MAGI2: variants seen among roughly 807,000 people sequenced by gnomAD.
MAGI2 encodes the protein membrane associated guanylate kinase, WW and PDZ domain containing 2.
MAGI2 carries 35 observed loss-of-function variants against 133.3 expected under a neutral mutation model. That is an observed-to-expected ratio of 0.26 (90% confidence interval 0.20 to 0.35). The LOEUF is 0.35. Ranked by LOEUF, MAGI2 falls within the 10% of genes least tolerant of loss-of-function variation. The probability of loss-of-function intolerance (pLI) is 1.00; values close to 1 mark genes in which losing one functional copy is unlikely to be tolerated. For missense variants in MAGI2, 1,636 were observed against 1,863.4 expected, an observed-to-expected ratio of 0.88 and a Z score of 2.25; for synonymous variants, 729 against 710.6, an observed-to-expected ratio of 1.03 and a Z score of -0.41.
intron 10 of MAGI2, among the ~76,000 whole-genome samples, chr7:78,243,190 A>G (rs1791340188): frequency 1.3e-5 from 2 of 151,786 alleles, no homozygotes; most frequent in South Asian, 4.2e-4. Flanking sequence ...GTAAAGGAAC[A>G]TGATATATGC....
intron 2 of MAGI2, among the ~76,000 whole-genome samples, chr7:78,982,223 TA>T (rs900311718): frequency 3.3e-5 from 5 of 152,062 alleles, no homozygotes; most frequent in Admixed American, 2.0e-4. Flanking sequence ...ATATTACTGT[TA>T]AAAATTATAT....
At chr7:78,079,959 T>A (rs1357983711) in intron 20 of MAGI2, among the ~76,000 whole-genome samples, 2 of 152,222 alleles carry the variant, frequency 1.3e-5, no homozygotes, top group Non-Finnish European at 2.9e-5. Flanking sequence ...TAAGACAAAT[T>A]AACCAGCAAA....
At chr7:79,363,742 A>G (rs986145371) in intron 1 of MAGI2, among the ~76,000 whole-genome samples, 2 of 151,494 alleles carry the variant, frequency 1.3e-5, no homozygotes, top group African/African-American at 4.8e-5. Flanking sequence ...GCTTCTGCAT[A>G]GCTCAGGAAA....
chr7:79,221,430 T>C (rs372078540), intron 1 of MAGI2, among the ~76,000 whole-genome samples: 1 of 152,042 alleles, frequency 6.6e-6, no homozygotes, highest in East Asian at 1.9e-4. Context: ...AGAGACAGGG[T>C]GCGGTTTATG....
At chr7:78,066,491 G>C (rs1813840960) in intron 21 of MAGI2, among the ~76,000 whole-genome samples, 1 of 151,454 alleles carries the variant, frequency 6.6e-6, no homozygotes, top group Non-Finnish European at 1.5e-5. Flanking sequence ...TAGTTGACTT[G>C]CTGGATATAA....
At chr7:79,244,446 G>T (rs1160440422) in intron 1 of MAGI2, among the ~76,000 whole-genome samples, 3 of 152,164 alleles carry the variant, frequency 2.0e-5, no homozygotes, top group African/African-American at 7.2e-5. Flanking sequence ...CTGTGCAACT[G>T]GGGGAGGGAG....
At chr7:78,496,752 T>C (rs1481794587) in intron 5 of MAGI2, among the ~76,000 whole-genome samples, 1 of 152,132 alleles carries the variant, frequency 6.6e-6, no homozygotes, top group Non-Finnish European at 1.5e-5. Flanking sequence ...AGGGTGGTGA[T>C]GATGTGAAGT....
intron 7 of MAGI2, among the ~76,000 whole-genome samples, chr7:78,355,256 T>C (rs1791949647): frequency 6.6e-6 from 1 of 152,226 alleles, no homozygotes; most frequent in Admixed American, 6.5e-5. Flanking sequence ...TCTGAAGCTC[T>C]TAATAAAGAA....
At chr7:78,659,261 T>A (rs1397527049) in intron 2 of MAGI2, among the ~76,000 whole-genome samples, 1 of 151,184 alleles carries the variant, frequency 6.6e-6, no homozygotes, top group Non-Finnish European at 1.5e-5. Flanking sequence ...CCATCCTGGT[T>A]AACATGATGA....
intron 1 of MAGI2, among the ~76,000 whole-genome samples, chr7:79,069,783 C>T (rs1381992903): frequency 1.3e-5 from 2 of 152,214 alleles, no homozygotes; most frequent in South Asian, 4.1e-4. Context: ...TTCAGGAGCT[C>T]TTGAAAGGCA....
intron 6 of MAGI2, among the ~76,000 whole-genome samples, chr7:78,405,887 T>C (rs895179329): frequency 6.7e-6 from 1 of 148,914 alleles, no homozygotes; most frequent in Non-Finnish European, 1.5e-5. Context: ...TTAGTATCTG[T>C]ACCATGTGCC....
chr7:78,955,091 C>T (rs775563871), intron 2 of MAGI2, among the ~76,000 whole-genome samples: 5 of 151,956 alleles, frequency 3.3e-5, no homozygotes, highest in Non-Finnish European at 7.4e-5. Context: ...ATACACTAAG[C>T]CCCTTATTGT....
At chr7:78,922,012 C>T (rs1443298732) in intron 2 of MAGI2, among the ~76,000 whole-genome samples, 2 of 151,960 alleles carry the variant, frequency 1.3e-5, no homozygotes, top group Admixed American at 6.6e-5. Context: ...CTTCCTTTGG[C>T]CATGAAGAAA....
rs111371359 is a variant in MAGI2 at position 78,644,975 on chromosome 7, T to C, written c.419-17736A>G. On this transcript the variant is annotated intron_variant, in intron 2 of 21. Coordinates refer to ENST00000354212, the MANE Select transcript of MAGI2 (RefSeq NM_012301.4). ...ATGGATATTAAAAGGATATTAATGG[T>C]ATATTATAAATTTATGCCAATATAT... Among the ~76,000 whole-genome samples the C allele has an allele frequency of 6.9e-3, 1,054 of 152,264 alleles. 11 individuals are homozygous for C. The highest frequency in any genetic ancestry group is 0.025 in the African/African-American group (1,020 of 41,540).
intron 2 of MAGI2, among the ~76,000 whole-genome samples, chr7:78,833,757 A>G (rs1308379941): frequency 1.3e-5 from 2 of 152,084 alleles, no homozygotes; most frequent in African/African-American, 4.8e-5. Flanking sequence ...GTTCTGTAAT[A>G]TCCTTTGTTG....
At chr7:79,074,900 A>G (rs73369317) in intron 1 of MAGI2, among the ~76,000 whole-genome samples, 4 of 152,192 alleles carry the variant, frequency 2.6e-5, no homozygotes, top group African/African-American at 7.2e-5. Context: ...ATATTTAATT[A>G]TCTTACATAA....
chr7:78,245,886 T>G (rs2150922500), intron 10 of MAGI2, among the ~76,000 whole-genome samples: 1 of 152,210 alleles, frequency 6.6e-6, no homozygotes, highest in East Asian at 1.9e-4. Flanking sequence ...TTTGCCATCT[T>G]GGAATCAGAA....
At chr7:79,301,206 C>A (rs1055778347) in intron 1 of MAGI2, among the ~76,000 whole-genome samples, 9 of 152,206 alleles carry the variant, frequency 5.9e-5, no homozygotes, top group Admixed American at 6.5e-5. Flanking sequence ...AGAAGGGAGC[C>A]ACTATCCTCC....
At chr7:78,902,623 A>T (rs1040182217) in intron 2 of MAGI2, 3 of 152,180 alleles carry the variant, frequency 2.0e-5, no homozygotes, top group Non-Finnish European at 4.4e-5. Flanking sequence ...CTGAAACAAA[A>T]ATTAAGGCAA....
Sources: allele counts gnomAD v4.1 joint callset (sites outside exome capture counted in the v4.1 genomes callset), GRCh38; gene constraint gnomAD v4.1.1; transcripts MANE v1.5; gene names NCBI Gene and HGNC (gene_info 2026-07-23, HGNC 2026-07-21).